ZNF461: variants seen among roughly 807,000 people sequenced by gnomAD.
ZNF461 encodes zinc finger protein 461, also known as gonadotropin-inducible ovarian transcription factor-1.
In ZNF461, 16 loss-of-function variants were observed where a neutral mutation model predicts 18.3. The ratio of observed to expected loss-of-function variants is 0.88; its 90% CI spans 0.59 to 1.33. ZNF461 has a LOEUF of 1.33. ZNF461 is among the 40% of genes most tolerant of loss of function. ZNF461 has a pLI of 0.00. For missense variants in ZNF461, 595 were observed against 669.9 expected (o/e 0.89, Z 1.23); for synonymous variants, 179 against 216.9 (o/e 0.83, Z 1.54).
intron 1 of ZNF461, among the ~76,000 whole-genome samples, chr19:36,666,358 T>C (rs1272367560): frequency 6.6e-6 from 1 of 152,194 alleles, no homozygotes; most frequent in Middle Eastern, 3.4e-3. Flanking sequence ...GCTCCCAAAA[T>C]GCTGGGATTA....
At chr19:36,658,088 A>T (rs2037754914) in intron 3 of ZNF461, 1 of 530,428 alleles carries the variant, frequency 1.9e-6, no homozygotes, top group Non-Finnish European at 3.3e-6. Flanking sequence ...ATTATAAGAA[A>T]GGACCAAAAG....
At position 36,641,914 on chromosome 19, in the gene ZNF461, C is replaced by T. The variant is rs184113219; in HGVS notation, c.302-1871G>A. On this transcript the variant is annotated intron_variant, in intron 5 of 5. Transcript: ENST00000588268. ...AGTAAGTCATTTATTATTATTATTA[C>T]TATTGCTGTTGTAATTATTAGTGAA... is the stretch of plus-strand genomic sequence containing the variant. Among the ~76,000 whole-genome samples the T allele has an allele frequency of 1.7e-3, 260 of 152,092 alleles. 14 individuals carry two copies. The South Asian group carries it at 0.05, about 30-fold the overall frequency.
intron 2 of ZNF461, among the ~76,000 whole-genome samples, chr19:36,663,519 T>A (rs1027939310): frequency 3.2e-4 from 23 of 72,200 alleles, no homozygotes; most frequent in Non-Finnish European, 7.3e-4. Context: ...TTATGTAATT[T>A]TTTTTTTTTT....
chr19:36,639,947 CT>C lies in ZNF461; in HGVS notation c.397del (p.Ser133AlafsTer34). On this transcript the variant is annotated frameshift_variant, in exon 6 of 6. Transcript: ENST00000588268. LOFTEE classifies it low-confidence loss of function (END_TRUNC). ...SQWVNMEEFK[S>X]HSPERSIFSA... ...GAAAATTGATCTCTCAGGACTATGG[CT>C]TTTAAATTCTTCCATGTTAACCCAC... 1 of 1,613,844 alleles carries C rather than the reference CT, an allele frequency of 6.2e-7. No homozygotes were observed. Among genetic ancestry groups the C allele is most frequent in the East Asian group, 2.2e-5 (1 of 44,860 alleles).
At chr19:36,649,471 T>C (rs2037588085) in intron 4 of ZNF461, among the ~76,000 whole-genome samples, 1 of 152,124 alleles carries the variant, frequency 6.6e-6, no homozygotes, top group Admixed American at 6.5e-5. Flanking sequence ...GCTGGGATTA[T>C]AGGCTGGGCC....
At chr19:36,647,455 G>A (rs1427709448) in intron 4 of ZNF461, among the ~76,000 whole-genome samples, 3 of 151,986 alleles carry the variant, frequency 2.0e-5, no homozygotes, top group Non-Finnish European at 2.9e-5. Context: ...CAGAAGAATC[G>A]CTTGAACCCA....
intron 2 of ZNF461, among the ~76,000 whole-genome samples, chr19:36,661,634 TTAAAAATTAAG>T: frequency 7.1e-6 from 1 of 141,684 alleles, no homozygotes. Flanking sequence ...TAAAAATTAA[TTAAAAATTAAG>T]ATGAAATAAA....
intron 2 of ZNF461, 125 bp from the exon 3 acceptor site, chr19:36,658,550 G>C (rs956859503): frequency 2.1e-6 from 2 of 944,202 alleles, no homozygotes; most frequent in African/African-American, 3.4e-5. Context: ...GGCTAAGCCT[G>C]GGACATGGGT....
chr19:36,639,794 T>A lies in ZNF461; in HGVS notation c.551A>T (p.Glu184Val). 6.2e-7 allele frequency: 1 copy of A among 1,613,900 alleles called. No individual in the cohort carries two copies. The highest frequency in any genetic ancestry group is 8.5e-7 in the Non-Finnish European group (1 of 1,179,820). Residue 184 changes from glutamate (E) to valine (V), a missense_variant, in exon 6 of 6, where the codon GAA (glutamate) becomes GTA (valine). By Grantham distance (121) the Glu-to-Val change is moderately radical. Coordinates refer to ENST00000588268, the MANE Select transcript of ZNF461 (RefSeq NM_153257.5). The part of the protein sequence containing the change: ...IFSQHTLLTQ[E>V]FYDREKISEC... Reference sequence around the variant, plus strand: ...AGAGATTTTCTCTCTATCATAAAATTCTTGAGTGAGTAAAGTATGTTGGCT... The same window carrying A: ...AGAGATTTTCTCTCTATCATAAAATACTTGAGTGAGTAAAGTATGTTGGCT...
rs1297516854 is a variant in ZNF461, at chr19:36,639,780, CTCTA to C, written c.561_564del (p.Asp187GlufsTer77). 1 of 1,613,674 alleles carries C rather than the reference CTCTA, an allele frequency of 6.2e-7. No individual in the cohort carries two copies. Among genetic ancestry groups the C allele is most frequent in the Admixed American group, 1.7e-5 (1 of 59,988 alleles). On this transcript the variant is annotated frameshift_variant, in exon 6 of 6. Coordinates refer to ENST00000588268, the MANE Select transcript of ZNF461 (RefSeq NM_153257.5). LOFTEE classifies it low-confidence loss of function (END_TRUNC). Reference sequence around the variant, plus strand: ...CACTTTTTACATTCAGAGATTTTCTCTCTATCATAAAATTCTTGAGTGAGTAAAG... The same window carrying C: ...CACTTTTTACATTCAGAGATTTTCTCTCATAAAATTCTTGAGTGAGTAAAG...
At position 36,639,838 on chromosome 19, in the gene ZNF461, A is replaced by G; in HGVS notation, c.507T>C (p.His169=). The change falls in exon 6 of 6, where the codon CAT becomes CAC. Residue 169 remains histidine (H), a synonymous_variant. Coordinates refer to ENST00000588268, the MANE Select transcript of ZNF461 (RefSeq NM_153257.5). ...EGYFRQLMIN[H]ENMPIFSQHT... Reference sequence around the variant, plus strand: ...GTTGGCTAAAAATGGGCATGTTTTCATGGTTAATCATAAGTTGTCTAAAAT... The same window carrying G: ...GTTGGCTAAAAATGGGCATGTTTTCGTGGTTAATCATAAGTTGTCTAAAAT... 6.2e-7 allele frequency: 1 copy of G among 1,613,950 alleles called. No homozygotes were observed. The highest frequency in any genetic ancestry group is 1.7e-5 in the Admixed American group (1 of 60,020).
At position 36,640,034 on chromosome 19, in the gene ZNF461, G is replaced by A. The variant is rs934208906; in HGVS notation, c.311C>T (p.Ser104Phe). Residue 104 changes from serine to phenylalanine, a missense_variant, in exon 6 of 6, where the codon TCC becomes TTC. Physicochemically the swap from Ser to Phe is radical, Grantham distance 155. Coordinates refer to ENST00000588268, the MANE Select transcript of ZNF461 (RefSeq NM_153257.5). ...EATDINADLASRDEPQKLSPK... is the reference protein window; with the variant it reads ...EATDINADLAFRDEPQKLSPK... ...AGATAACTTCTGGGGCTCATCTCTG[G>A]ATGCCAAGTCTGAAAGATAAGAAAT... 5.0e-6 allele frequency: 8 copies of A among 1,602,956 alleles called. No homozygotes were observed. The highest frequency in any genetic ancestry group is 6.8e-6 in the Non-Finnish European group (8 of 1,174,484).
chr19:36,662,142 T>C (rs529981267), intron 2 of ZNF461, among the ~76,000 whole-genome samples: 28 of 152,298 alleles, frequency 1.8e-4, no homozygotes, highest in Non-Finnish European at 3.4e-4. Context: ...ATGCAGGGAT[T>C]ACAGGCATGA....
At chr19:36,658,037 G>A in intron 3 of ZNF461, 1 of 424,134 alleles carries the variant, frequency 2.4e-6, no homozygotes, top group Non-Finnish European at 4.2e-6. Flanking sequence ...CTTTAACATT[G>A]CAGATTTCCA....
chr19:36,647,469 G>A (rs944917755), intron 4 of ZNF461, among the ~76,000 whole-genome samples: 1 of 152,108 alleles, frequency 6.6e-6, no homozygotes, highest in Non-Finnish European at 1.5e-5. Flanking sequence ...GAACCCAGGA[G>A]GTGGAGGTTG....
chr19:36,663,154 G>C lies in ZNF461; in HGVS notation c.9+1544C>G, dbSNP rs953599825. On this transcript the variant is annotated intron_variant, in intron 2 of 5. Transcript: ENST00000588268. ...CTGCCATGTTTAATTCTGTGATGTG[G>C]CCTGAATCTTACTTAGTCTGTTTTC... is the stretch of plus-strand genomic sequence containing the variant. Among the ~76,000 whole-genome samples the C allele has an allele frequency of 5.9e-5, 9 of 152,178 alleles. No homozygotes were observed. In the East Asian group the frequency reaches 1.7e-3, roughly 29 times the overall value.
chr19:36,653,308 A>G (rs984115336), intron 4 of ZNF461, among the ~76,000 whole-genome samples: 2 of 152,176 alleles, frequency 1.3e-5, no homozygotes, highest in African/African-American at 4.8e-5. Context: ...ACAAAAACCC[A>G]TATATATGTG....
chr19:36,642,685 T>C (rs2037447288), intron 5 of ZNF461, among the ~76,000 whole-genome samples: 2 of 149,920 alleles, frequency 1.3e-5, no homozygotes, highest in Admixed American at 6.6e-5. Flanking sequence ...TAGACTTCTT[T>C]TTTTTTTTTT....
In ZNF461 at chr19:36,656,509, T is replaced by C; in HGVS notation, c.171A>G (p.Ser57=). Residue 57 remains serine (S), a synonymous_variant, in exon 4 of 6, where the codon TCA becomes TCG. Transcript: ENST00000588268. ...LSVSKPAVIS[S]LEQGKEPWMV... ...TCCAGGGCTCCTTCCCTTGCTCCAA[T>C]GAGGAGATTACGGCTGGCTTAGAAA... is the stretch of plus-strand genomic sequence containing the variant. 2 of 1,614,060 alleles carry C rather than the reference T, an allele frequency of 1.2e-6. No individual in the cohort carries two copies. The highest frequency in any genetic ancestry group is 8.5e-7 in the Non-Finnish European group (1 of 1,180,002).
Sources: allele counts gnomAD v4.1 joint callset (sites outside exome capture counted in the v4.1 genomes callset), GRCh38; gene constraint gnomAD v4.1.1; transcripts MANE v1.5; gene names NCBI Gene and HGNC (gene_info 2026-07-23, HGNC 2026-07-21).